ANLN: variants seen among roughly 807,000 people sequenced by gnomAD.
The protein encoded by ANLN is anillin, actin binding protein, also known as anillin.
In ANLN, 59 loss-of-function variants were observed where a neutral mutation model predicts 135.1. The observed-to-expected ratio is 0.44, with a 90% CI of 0.35 to 0.54. ANLN has a LOEUF of 0.54. Among genes scored for constraint, ANLN ranks in the 20% least tolerant of loss-of-function variants. The probability of loss-of-function intolerance (pLI) is 0.00; values close to 1 mark genes in which losing one functional copy is unlikely to be tolerated. For missense variants in ANLN, 1,182 were observed against 1,340.0 expected, an observed-to-expected ratio of 0.88 and a Z score of 1.84; for synonymous variants, 406 against 456.4, an observed-to-expected ratio of 0.89 and a Z score of 1.41.
At chr7:36,436,046 C>T (rs1788537969) in intron 20 of ANLN, among the ~76,000 whole-genome samples, 1 of 152,026 alleles carries the variant, frequency 6.6e-6, no homozygotes, top group African/African-American at 2.4e-5. Flanking sequence ...GTTCAAAATA[C>T]CTCTGTCTAA....
At chr7:36,440,800 T>A in intron 21 of ANLN, among the ~76,000 whole-genome samples, 1 of 152,176 alleles carries the variant, frequency 6.6e-6, no homozygotes, top group Admixed American at 6.5e-5. Context: ...GGAAAGTATG[T>A]GTGTAGAATG....
chr7:36,407,562 G>T (rs370207729), intron 4 of ANLN, among the ~76,000 whole-genome samples, 172 bp from the exon 5 acceptor site: 17 of 151,480 alleles, frequency 1.1e-4, no homozygotes, highest in Admixed American at 2.0e-4. Flanking sequence ...TTTTAAGTTG[G>T]TTTTTTTTCC....
intron 10 of ANLN, 79 bp downstream of exon 10, chr7:36,419,558 A>G (rs376946185): frequency 2.4e-6 from 3 of 1,240,946 alleles, no homozygotes. Flanking sequence ...TTTTGTTGAC[A>G]GATGGACATT....
chr7:36,409,900 G>A (rs1787339687), intron 5 of ANLN, among the ~76,000 whole-genome samples: 1 of 152,036 alleles, frequency 6.6e-6, no homozygotes, highest in Admixed American at 6.6e-5. Context: ...TCGAACTCCT[G>A]AGCTCAAGAG....
At position 36,410,535 on chromosome 7, in the gene ANLN, T is replaced by C. The variant is rs200937630; in HGVS notation, c.1118T>C (p.Phe373Ser). 131 of 1,610,424 alleles carry C rather than the reference T, an allele frequency of 8.1e-5. 3 individuals are homozygous for C. The South Asian group carries it at 1.3e-3, about 15-fold the overall frequency. The change falls in exon 6 of 24, where the codon TTC becomes TCC. Residue 373 changes from phenylalanine to serine, a missense_variant. Coordinates refer to ENST00000265748, the MANE Select transcript of ANLN (RefSeq NM_018685.5). ...GTAGGAGGAACAGGAATTAAGCCTT[T>C]CCTGGAACGCTTTGGAGAGCGTTGT... ...TTPGGTGIKPFLERFGERCQE... is the reference protein window; with the variant it reads ...TTPGGTGIKPSLERFGERCQE...
At chr7:36,398,033 T>A (rs775825687) in intron 2 of ANLN, among the ~76,000 whole-genome samples, 2 of 152,256 alleles carry the variant, frequency 1.3e-5, no homozygotes, top group African/African-American at 2.4e-5. Flanking sequence ...GATACTACTT[T>A]GGTCACTGCC....
At position 36,427,096 on chromosome 7, in the gene ANLN, A is replaced by C. The variant is rs1371902713; in HGVS notation, c.2883+68A>C. On this transcript the variant is annotated intron_variant, in intron 20 of 23. Transcript: ENST00000265748. ...ATCTTAGAAAAATTAGCTCAATGGAAATGCCACAATGCTTTTAGGTATTTG... is the reference window on the plus strand; with the variant it reads ...ATCTTAGAAAAATTAGCTCAATGGACATGCCACAATGCTTTTAGGTATTTG... 3.3e-6 allele frequency: 3 copies of C among 919,402 alleles called. No homozygotes were observed. The East Asian group carries it at 7.6e-5, about 23-fold the overall frequency. The allele number at this position is 919,402 out of a possible 1,614,324, so 57.0% of individuals were successfully genotyped here.
chr7:36,439,071 T>G (rs1788660962), intron 20 of ANLN, 133 bp from the exon 21 acceptor site: 1 of 696,538 alleles, frequency 1.4e-6, no homozygotes, highest in Non-Finnish European at 2.6e-6. Context: ...TGGCCATGTC[T>G]TTTATACTCC....
chr7:36,414,194 G>A (rs956356597), intron 7 of ANLN, among the ~76,000 whole-genome samples: 3 of 152,152 alleles, frequency 2.0e-5, no homozygotes, highest in Non-Finnish European at 4.4e-5. Context: ...AGGAGGGAAC[G>A]GGCAAGAGGA....
In ANLN at chr7:36,443,815, G is replaced by A. The variant is rs745952953; in HGVS notation, c.3031G>A (p.Gly1011Arg). 6.8e-6 allele frequency: 11 copies of A among 1,612,446 alleles called. No homozygotes were observed. The highest frequency in any genetic ancestry group is 2.7e-5 in the African/African-American group (2 of 74,896). ...GCATCGAAGATGGTGTGTTCTTTCTGGAAACTGTATATCTTATTGGACTTA... is the reference window on the plus strand; with the variant it reads ...GCATCGAAGATGGTGTGTTCTTTCTAGAAACTGTATATCTTATTGGACTTA... ...AWHRRWCVLS[G>R]NCISYWTYPD... The change falls in exon 22 of 24, where the codon GGA (glycine) becomes AGA (arginine). Residue 1011 changes from glycine to arginine, a missense_variant. Physicochemically the swap from Gly to Arg is moderately radical, Grantham distance 125. Around this residue, in one of 3 missense-constraint regions of ANLN, gnomAD observed 82 missense variants for 133.3 expected, o/e 0.62. Coordinates refer to ENST00000265748, the MANE Select transcript of ANLN (RefSeq NM_018685.5).
chr7:36,390,203 C>T, intron 1 of ANLN, 159 bp downstream of exon 1: 1 of 1,234,022 alleles, frequency 8.1e-7, no homozygotes, highest in African/African-American at 1.5e-5. Context: ...CTGCGGCCTG[C>T]TGTGGTTGGT....
At chr7:36,442,253 A>G (rs1788804447) in intron 21 of ANLN, among the ~76,000 whole-genome samples, 1 of 152,228 alleles carries the variant, frequency 6.6e-6, no homozygotes, top group African/African-American at 2.4e-5. Context: ...ACCAAGTAAT[A>G]CTAGTTTATT....
chr7:36,396,022 T>A (rs955500094), intron 1 of ANLN, among the ~76,000 whole-genome samples: 3 of 152,068 alleles, frequency 2.0e-5, no homozygotes, highest in African/African-American at 7.2e-5. Flanking sequence ...GCAGAAAAAA[T>A]TTGTGGCCGT....
At chr7:36,410,289 T>A (rs1001633929) in intron 5 of ANLN, among the ~76,000 whole-genome samples, 1 of 152,122 alleles carries the variant, frequency 6.6e-6, no homozygotes, top group African/African-American at 2.4e-5. Context: ...ATTTTTTTTT[T>A]TTTTTAAATA....
In ANLN at chr7:36,420,216, T is replaced by C; in HGVS notation, c.1917T>C (p.Ser639=). The C allele has an allele frequency of 6.2e-7, 1 of 1,614,028 alleles. No homozygotes were observed. The highest frequency in any genetic ancestry group is 1.1e-5 in the South Asian group (1 of 91,078). The change falls in exon 11 of 24, where the codon AGT becomes AGC. Residue 639 remains serine, a synonymous_variant. Coordinates refer to ENST00000265748, the MANE Select transcript of ANLN (RefSeq NM_018685.5). ...PRLELKDTSR[S]DESPKPGKFQ... ...TGGAATTGAAAGACACCAGCAGAAGTGATGAAAGTCCAAAACCAGGAAAAT... is the reference window on the plus strand; with the variant it reads ...TGGAATTGAAAGACACCAGCAGAAGCGATGAAAGTCCAAAACCAGGAAAAT...
Position 36,452,460 on chromosome 7 carries a change from G to A in ANLN, c.3252-17G>A. 1 of 1,613,724 alleles carries A rather than the reference G, an allele frequency of 6.2e-7. No individual in the cohort carries two copies. The highest frequency in any genetic ancestry group is 2.2e-5 in the East Asian group (1 of 44,854). On this transcript the variant is annotated splice_polypyrimidine_tract_variant and intron_variant, in intron 23 of 23. Coordinates refer to ENST00000265748, the MANE Select transcript of ANLN (RefSeq NM_018685.5). ...AGGGAGAAGAATTCTGACCTCTTTGGTTGTTTGTTCCTGTAGGAACTGGCT... is the reference window on the plus strand; with the variant it reads ...AGGGAGAAGAATTCTGACCTCTTTGATTGTTTGTTCCTGTAGGAACTGGCT...
chr7:36,445,235 A>G (rs1249929354), intron 22 of ANLN, among the ~76,000 whole-genome samples: 2 of 125,770 alleles, frequency 1.6e-5, no homozygotes, highest in African/African-American at 3.1e-5. Flanking sequence ...ATTATCTCCT[A>G]ATCCAAAAAT....
At chr7:36,421,453 A>G (rs1267643302) in intron 12 of ANLN, among the ~76,000 whole-genome samples, 3 of 151,984 alleles carry the variant, frequency 2.0e-5, no homozygotes, top group Admixed American at 2.0e-4. Flanking sequence ...CCTGGGCTCA[A>G]ATGATTCTTG....
At chr7:36,396,233 T>C (rs1465667554) in intron 1 of ANLN, 33 bp from the exon 2 acceptor site, 3 of 1,522,960 alleles carry the variant, frequency 2.0e-6, no homozygotes, top group Non-Finnish European at 2.7e-6. Flanking sequence ...TGATTAAACT[T>C]GTGTTTTAAC....
Sources: allele counts gnomAD v4.1 joint callset (sites outside exome capture counted in the v4.1 genomes callset), GRCh38; gene constraint gnomAD v4.1.1; regional missense constraint gnomAD v4.1.1; transcripts MANE v1.5; gene names NCBI Gene and HGNC (gene_info 2026-07-23, HGNC 2026-07-21).